The following LIMCH1 variants were observed in gnomAD, a reference collection of about 807,000 sequenced individuals.
LIMCH1 encodes the protein LIM and calponin homology domains 1.
A neutral mutation model predicts 176.5 loss-of-function variants in LIMCH1; 113 were observed. The observed-to-expected ratio is 0.64, with a 90% CI of 0.55 to 0.75. The LOEUF is 0.75. Among genes scored for constraint, LIMCH1 ranks in the 30% least tolerant of loss-of-function variants. LIMCH1 has a pLI of 0.00. For missense variants in LIMCH1, 1,674 were observed against 1,814.9 expected (o/e 0.92, Z 1.41); for synonymous variants, 619 against 645.9 (o/e 0.96, Z 0.63).
chr4:41,630,901 C>T (rs2093283997), intron 9 of LIMCH1, among the ~76,000 whole-genome samples: 1 of 152,168 alleles, frequency 6.6e-6, no homozygotes, highest in Non-Finnish European at 1.5e-5. Context: ...TTTCACATCA[C>T]TTTATTCATG....
intron 1 of LIMCH1, among the ~76,000 whole-genome samples, chr4:41,366,675 A>T (rs1213333525): frequency 2.0e-5 from 3 of 152,256 alleles, no homozygotes; most frequent in Non-Finnish European, 2.9e-5. Context: ...TTCTTAAAAA[A>T]ATGATAGAAT....
Position 41,692,230 on chromosome 4 carries a change from A to G in LIMCH1, c.4276-52A>G, listed in dbSNP as rs1726603025. On this transcript the variant is annotated intron_variant, in intron 30 of 31. Coordinates refer to ENST00000503057, the MANE Select transcript of LIMCH1 (RefSeq NM_001330672.2). The stretch of plus-strand genomic sequence containing the variant: ...CACATAAACAGTAACTAAGCATTAG[A>G]AAGAAACAATTCCTTATGCATCTTA... 16 of 1,065,386 alleles carry G rather than the reference A, an allele frequency of 1.5e-5. No individual in the cohort carries two copies. In the South Asian group the frequency reaches 1.5e-4, roughly 10 times the overall value. 66.0% of individuals were successfully genotyped at this position (1,065,386 alleles called of 1,614,324 possible). A position where few individuals can be genotyped will look rare whatever the true frequency, so the allele number is the denominator to read the frequency against.
intron 1 of LIMCH1, chr4:41,418,858 A>C (rs2060179776): frequency 6.6e-6 from 1 of 152,240 alleles, no homozygotes. Context: ...GAAGATGAAC[A>C]AACAAGCAAT....
At position 41,644,574 on chromosome 4, in the gene LIMCH1, A is replaced by T; in HGVS notation, c.2201A>T (p.Gln734Leu). ...CCGCACAGCAGGGCCCGCCAGGAGC[A>T]GCTGCAGCTGATAAATAACCAGCTG... ...VQPHSRARQE[Q>L]LQLINNQLRE... Residue 734 changes from glutamine (Q) to leucine (L), a missense_variant, in exon 15 of 32, where the codon CAG becomes CTG. This residue lies in a region of LIMCH1 where 1,015 missense variants were observed against 1,102.5 expected (regional missense o/e 0.92). Coordinates refer to ENST00000503057, the MANE Select transcript of LIMCH1 (RefSeq NM_001330672.2). 6.2e-7 allele frequency: 1 copy of T among 1,610,970 alleles called. No homozygotes were observed. The highest frequency in any genetic ancestry group is 8.5e-7 in the Non-Finnish European group (1 of 1,178,820).
chr4:41,591,995 A>T (rs2087682341), intron 1 of LIMCH1, among the ~76,000 whole-genome samples: 1 of 152,242 alleles, frequency 6.6e-6, no homozygotes. Context: ...CTGAAGAAAG[A>T]GAAAGGTAGC....
At chr4:41,479,002 T>C (rs957921424) in intron 1 of LIMCH1, among the ~76,000 whole-genome samples, 4 of 151,976 alleles carry the variant, frequency 2.6e-5, no homozygotes, top group African/African-American at 9.7e-5. Flanking sequence ...TGTTGAAACA[T>C]TCAAAAGAAA....
At chr4:41,489,964 GA>G (rs752411937) in intron 1 of LIMCH1, among the ~76,000 whole-genome samples, 7 of 152,018 alleles carry the variant, frequency 4.6e-5, no homozygotes, top group Non-Finnish European at 8.8e-5. Flanking sequence ...GTAAGCTAGA[GA>G]AAAAATGTTA....
chr4:41,624,310 G>A (rs1269600011), intron 7 of LIMCH1, among the ~76,000 whole-genome samples: 1 of 151,926 alleles, frequency 6.6e-6, no homozygotes, highest in Admixed American at 6.5e-5. Context: ...AGGGGGTGTG[G>A]GGGCGTAAAA....
At chr4:41,614,342 G>A (rs1448343913) in intron 5 of LIMCH1, among the ~76,000 whole-genome samples, 2 of 152,156 alleles carry the variant, frequency 1.3e-5, no homozygotes, top group African/African-American at 2.4e-5. Context: ...TGATATACAC[G>A]TAATGCCTAT....
At chr4:41,469,884 A>G (rs536076339) in intron 1 of LIMCH1, among the ~76,000 whole-genome samples, 2 of 151,508 alleles carry the variant, frequency 1.3e-5, no homozygotes, top group South Asian at 4.2e-4. Flanking sequence ...GTTTCACCAT[A>G]TTGGCCAGGC....
At chr4:41,473,724 A>G (rs1317811004) in intron 1 of LIMCH1, among the ~76,000 whole-genome samples, 1 of 152,224 alleles carries the variant, frequency 6.6e-6, no homozygotes, top group African/African-American at 2.4e-5. Context: ...TCAAACTTAA[A>G]AGCTTCTGCA....
At position 41,671,439 on chromosome 4, in the gene LIMCH1, C is replaced by CACAA. The variant is rs1168809400; in HGVS notation, c.3398-114_3398-113insCAAA. 3 of 663,356 alleles carry CACAA rather than the reference C, an allele frequency of 4.5e-6. No homozygotes were observed. The African/African-American group carries it at 5.8e-5, about 13-fold the overall frequency. 41.1% of individuals were successfully genotyped at this position (663,356 alleles called of 1,614,324 possible). ...ACACACACACACACACACACACACA[C>CACAA]AAAATTGGTTTAAAGCTGATGTAGG... On this transcript the variant is annotated intron_variant, in intron 21 of 31. Coordinates refer to ENST00000503057, the MANE Select transcript of LIMCH1 (RefSeq NM_001330672.2).
At position 41,492,051 on chromosome 4, in the gene LIMCH1, C is replaced by T. The variant is rs368289581; in HGVS notation, c.97-2485C>T. On this transcript the variant is annotated intron_variant, in intron 1 of 26. Coordinates refer to the LIMCH1 transcript ENST00000313860. Reference sequence around the variant, plus strand: ...TAGCACTTTGGGAGGCCAAGGCAGGCGGCTGGGAGGTGGAGGTTGTAGCCA... The same window carrying T: ...TAGCACTTTGGGAGGCCAAGGCAGGTGGCTGGGAGGTGGAGGTTGTAGCCA... 6.6e-5 allele frequency among the ~76,000 whole-genome samples: 10 copies of T among 152,302 alleles called. No homozygotes were observed. The East Asian group carries it at 7.7e-4, about 12-fold the overall frequency.
At position 41,581,519 on chromosome 4, in the gene LIMCH1, AGTG is replaced by A. The variant is rs1470357051; in HGVS notation, c.-240-17400_-240-17398del. Among the ~76,000 whole-genome samples the A allele has an allele frequency of 2.6e-5, 4 of 152,102 alleles. No homozygotes were observed. The South Asian group carries it at 6.2e-4, about 24-fold the overall frequency. On this transcript the variant is annotated intron_variant, in intron 1 of 31. Transcript: ENST00000503057. ...GAGTTCAGTGACTTTAAATTCCACA[AGTG>A]ACAGCCGGGCGCAGTGGCTCACACC...
intron 1 of LIMCH1, among the ~76,000 whole-genome samples, chr4:41,487,810 G>A (rs1191659343): frequency 1.3e-5 from 2 of 151,264 alleles, no homozygotes; most frequent in African/African-American, 2.4e-5. Flanking sequence ...CTGCCACCAC[G>A]CCCGGCTAAT....
chr4:41,632,824 G>A lies in LIMCH1; in HGVS notation c.1677G>A (p.Glu559=), dbSNP rs770518618. 7 of 1,536,236 alleles carry A rather than the reference G, an allele frequency of 4.6e-6. No individual in the cohort carries two copies. The South Asian group carries it at 8.3e-5, about 18-fold the overall frequency. The change falls in exon 11 of 32, where the codon GAG becomes GAA. Residue 559 remains glutamate (E), a synonymous_variant. Transcript: ENST00000503057. ...WLAPVPESQE[E]WVCSLGECPR... is the part of the protein sequence containing the mutation. ...CTCCTGTGCCGGAGTCTCAGGAAGA[G>A]TGGGTCTGCAGTTTGGGCGAGTGCC...
At chr4:41,637,250 G>A (rs949805050) in intron 13 of LIMCH1, among the ~76,000 whole-genome samples, 4 of 152,056 alleles carry the variant, frequency 2.6e-5, no homozygotes, top group Admixed American at 6.5e-5. Flanking sequence ...GTACAGTGGC[G>A]TGATCTCTGC....
At position 41,444,313 on chromosome 4, in the gene LIMCH1, T is replaced by TACACAC. The variant is rs71198657; in HGVS notation, c.97-50187_97-50182dup. Reference sequence around the variant, plus strand: ...GTGTGTGAGTGTGTGTGTATATATATACACACACACACACACACACACACA... The same window carrying TACACAC: ...GTGTGTGAGTGTGTGTGTATATATATACACACACACACACACACACACACACACACA... On this transcript the variant is annotated intron_variant, in intron 1 of 26. Transcript: ENST00000313860. Among the ~76,000 whole-genome samples, 25 of 134,210 alleles carry TACACAC rather than the reference T, an allele frequency of 1.9e-4. No homozygotes were observed. In the East Asian group the frequency reaches 2.6e-3, roughly 14 times the overall value. 88.0% of individuals were successfully genotyped at this position (134,210 alleles called of 152,430 possible).
intron 14 of LIMCH1, among the ~76,000 whole-genome samples, chr4:41,639,360 A>G (rs2093726784): frequency 6.6e-6 from 1 of 152,206 alleles, no homozygotes; most frequent in East Asian, 1.9e-4. Flanking sequence ...AGTCATTCCC[A>G]TAGTCTCATT....
Sources: gnomAD v4.1 joint callset for allele counts (sites outside exome capture counted in the v4.1 genomes callset) on GRCh38, gnomAD v4.1.1 for gene constraint, gnomAD v4.1.1 regional missense constraint, MANE v1.5 for transcripts, NCBI Gene and HGNC (gene_info 2026-07-23, HGNC 2026-07-21) for gene names.